Variants in MYO9A observed in about 807,000 individuals in gnomAD.
MYO9A encodes unconventional myosin-IXa.
Under a neutral mutation model 293.3 loss-of-function variants are expected in MYO9A, and 103 were observed. The observed-to-expected ratio is 0.35, with a 90% confidence interval of 0.30 to 0.41. The LOEUF is 0.41. Ranked by LOEUF, MYO9A falls within the 10% of genes least tolerant of loss-of-function variation. The probability of loss-of-function intolerance (pLI) is 1.00; values close to 1 mark genes in which losing one functional copy is unlikely to be tolerated. For missense variants in MYO9A, 2,685 were observed against 3,033.0 expected (o/e 0.89, Z 2.69); for synonymous variants, 1,001 against 1,035.7 (o/e 0.97, Z 0.64).
At chr15:71,988,748 T>C (rs1483274894) in intron 11 of MYO9A, among the ~76,000 whole-genome samples, 3 of 152,342 alleles carry the variant, frequency 2.0e-5, no homozygotes, top group East Asian at 1.9e-4. Flanking sequence ...TTGAGTTCAG[T>C]TTGATGAAAC....
chr15:71,940,447 G>A (rs1596245681), intron 15 of MYO9A, among the ~76,000 whole-genome samples: 1 of 152,058 alleles, frequency 6.6e-6, no homozygotes, highest in African/African-American at 2.4e-5. Context: ...AGCTGAGGTC[G>A]TGCCACTGCA....
chr15:72,000,133 G>GT (rs917865567), intron 8 of MYO9A, among the ~76,000 whole-genome samples, 193 bp from the exon 9 acceptor site: 2 of 152,192 alleles, frequency 1.3e-5, no homozygotes, highest in Admixed American at 6.5e-5. Flanking sequence ...AGACAAATGG[G>GT]TTTTTTCAAG....
chr15:71,900,729 A>AT (rs2057459490), intron 23 of MYO9A, among the ~76,000 whole-genome samples: 1 of 152,204 alleles, frequency 6.6e-6, no homozygotes, highest in Non-Finnish European at 1.5e-5. Context: ...GATACTAAAG[A>AT]TTTTCTTGCA....
At chr15:71,879,972 G>GAA in intron 29 of MYO9A, 135 bp from the exon 30 acceptor site, 1 of 641,440 alleles carries the variant, frequency 1.6e-6, no homozygotes, top group East Asian at 2.7e-5. Flanking sequence ...GGACTCAGGT[G>GAA]AAAGTTATGA....
chr15:72,054,683 A>G (rs2078669396), intron 1 of MYO9A, among the ~76,000 whole-genome samples: 1 of 133,406 alleles, frequency 7.5e-6, no homozygotes, highest in Non-Finnish European at 1.6e-5. Context: ...TGTCTCAAAA[A>G]AAAAAAAAAA....
At chr15:71,915,415 G>C (rs1011397524) in intron 19 of MYO9A, among the ~76,000 whole-genome samples, 1 of 149,026 alleles carries the variant, frequency 6.7e-6, no homozygotes, top group Non-Finnish European at 1.5e-5. Context: ...CCTTGGTCTT[G>C]CTTTTTCATT....
intron 1 of MYO9A, among the ~76,000 whole-genome samples, chr15:72,074,802 T>C (rs2079295229): frequency 6.6e-6 from 1 of 152,110 alleles, no homozygotes; most frequent in Admixed American, 6.6e-5. Context: ...TTAAAACACT[T>C]GAAACCAAAA....
Position 71,825,339 on chromosome 15 carries a change from A to G in MYO9A, c.*1241T>C, listed in dbSNP as rs1261955950. 6.6e-6 allele frequency: 1 copy of G among 152,162 alleles called. No homozygotes were observed. Among genetic ancestry groups the G allele is most frequent in the East Asian group, 1.9e-4 (1 of 5,196 alleles). The allele number at this position is 152,162 out of a possible 1,614,324, so 9.4% of individuals were successfully genotyped here. ...ATGGGAAGGAGGGAAGCACAAGGTT[A>G]AAAAGAAATATGCCTACTATACATA... On this transcript the variant is annotated 3_prime_UTR_variant, in exon 42 of 42. Transcript: ENST00000356056.
chr15:71,898,811 G>C lies in MYO9A; in HGVS notation c.3692C>G (p.Pro1231Arg). ...ESSVDCLKES[P>R]NKQQERAQSQ... Reference sequence around the variant, plus strand: ...TTGGGCTCTCTCCTGCTGCTTGTTTGGTGACTCCTTCAAGCAGTCCACTGA... The same window carrying C: ...TTGGGCTCTCTCCTGCTGCTTGTTTCGTGACTCCTTCAAGCAGTCCACTGA... The change falls in exon 25 of 42, where the codon CCA (proline) becomes CGA (arginine). Residue 1231 changes from proline to arginine, a missense_variant. Transcript: ENST00000356056. 1 of 1,614,084 alleles carries C rather than the reference G, an allele frequency of 6.2e-7. No homozygotes were observed. The highest frequency in any genetic ancestry group is 1.3e-5 in the African/African-American group (1 of 75,012).
At chr15:71,919,671 T>C (rs987152631) in intron 18 of MYO9A, among the ~76,000 whole-genome samples, 6 of 151,522 alleles carry the variant, frequency 4.0e-5, no homozygotes, top group African/African-American at 1.5e-4. Flanking sequence ...CGAAACCCCA[T>C]CTCTACTAAA....
At chr15:71,951,335 C>G (rs1484930855) in intron 15 of MYO9A, among the ~76,000 whole-genome samples, 1 of 152,124 alleles carries the variant, frequency 6.6e-6, no homozygotes, top group African/African-American at 2.4e-5. Context: ...TATCTTGACT[C>G]TGGAGATAAT....
At chr15:71,985,658 C>T (rs1007265799) in intron 11 of MYO9A, among the ~76,000 whole-genome samples, 1 of 152,104 alleles carries the variant, frequency 6.6e-6, no homozygotes, top group African/African-American at 2.4e-5. Flanking sequence ...ACAAAAATAA[C>T]GAAATGTCTC....
intron 13 of MYO9A, among the ~76,000 whole-genome samples, chr15:71,967,301 T>C (rs1172497400): frequency 6.6e-6 from 1 of 152,218 alleles, no homozygotes; most frequent in Non-Finnish European, 1.5e-5. Flanking sequence ...AGTTTATCAT[T>C]AGATCATTCC....
chr15:72,112,654 T>C (rs901517319), intron 1 of MYO9A, among the ~76,000 whole-genome samples: 1 of 152,224 alleles, frequency 6.6e-6, no homozygotes, highest in African/African-American at 2.4e-5. Flanking sequence ...TTAGGTATGT[T>C]CTTTCTACAG....
chr15:71,964,955 C>CAA (rs909722365), intron 13 of MYO9A, among the ~76,000 whole-genome samples: 1 of 138,126 alleles, frequency 7.2e-6, no homozygotes, highest in Non-Finnish European at 1.6e-5. Flanking sequence ...ACTCTTGTCT[C>CAA]AAAAAAAAAA....
chr15:71,912,653 T>C (rs1290648892), intron 19 of MYO9A, among the ~76,000 whole-genome samples: 1 of 152,240 alleles, frequency 6.6e-6, no homozygotes, highest in African/African-American at 2.4e-5. Flanking sequence ...TTTCCCATCA[T>C]TTTTCTTCCA....
intron 1 of MYO9A, among the ~76,000 whole-genome samples, chr15:72,066,587 A>G (rs535319433): frequency 2.0e-5 from 3 of 152,314 alleles, no homozygotes; most frequent in East Asian, 3.9e-4. Flanking sequence ...ACATAAATCT[A>G]TGGATACAGA....
At position 71,830,162 on chromosome 15, in the gene MYO9A, C is replaced by T. The variant is rs763773449; in HGVS notation, c.6987G>A (p.Met2329Ile). 2 of 1,614,176 alleles carry T rather than the reference C, an allele frequency of 1.2e-6. No homozygotes were observed. The highest frequency in any genetic ancestry group is 8.5e-7 in the Non-Finnish European group (1 of 1,180,002). ...CAGTCAGTACTCTCTCCTCCTGCTGCATAGCTGCTTGCTGCTGTTCTGTGA... is the reference window on the plus strand; with the variant it reads ...CAGTCAGTACTCTCTCCTCCTGCTGTATAGCTGCTTGCTGCTGTTCTGTGA... ...TDITEQQQAAMQQEERVLTEQ... is the reference protein window; with the variant it reads ...TDITEQQQAAIQQEERVLTEQ... Residue 2329 changes from methionine (M) to isoleucine (I), a missense_variant, in exon 40 of 42, where the codon ATG (methionine) becomes ATA (isoleucine). By Grantham distance (10) the Met-to-Ile change is conservative. This residue lies in a region of MYO9A where 350 missense variants were observed against 328.9 expected (regional missense o/e 1.06). Coordinates refer to ENST00000356056, the MANE Select transcript of MYO9A (RefSeq NM_006901.4).
At chr15:71,963,330 C>G (rs551753553) in intron 13 of MYO9A, among the ~76,000 whole-genome samples, 1 of 152,180 alleles carries the variant, frequency 6.6e-6, no homozygotes, top group Non-Finnish European at 1.5e-5. Context: ...AGTGATCCAC[C>G]CACCTCGGCC....
Sources: allele counts gnomAD v4.1 joint callset (sites outside exome capture counted in the v4.1 genomes callset), GRCh38; gene constraint gnomAD v4.1.1; regional missense constraint gnomAD v4.1.1; transcripts MANE v1.5; gene names NCBI Gene and HGNC (gene_info 2026-07-23, HGNC 2026-07-21).